Variants in DMD observed in about 807,000 individuals in gnomAD.
The protein encoded by DMD is dystrophin.
DMD carries 63 observed loss-of-function variants against 330.1 expected under a neutral mutation model. The observed-to-expected ratio is 0.19, with a 90% CI of 0.16 to 0.24. The LOEUF is 0.24. Among genes scored for constraint, DMD ranks in the 10% least tolerant of loss-of-function variants. DMD has a pLI of 1.00. For missense variants in DMD, 3,344 were observed against 2,684.1 expected (o/e 1.25, Z -5.43); for synonymous variants, 1,223 against 959.8 (o/e 1.27, Z -5.07).
chrX:31,584,581 G>A lies in DMD; in HGVS notation c.8217+43092C>T, dbSNP rs761325030. 2.7e-3 allele frequency among the ~76,000 whole-genome samples: 300 copies of A among 111,923 alleles called. 2 individuals carry two copies. Among genetic ancestry groups the A allele is most frequent in the Admixed American group, 5.7e-3 (60 of 10,544 alleles). ...TCAACCCAAATGCCCATCAGTGATAGACTGGATAAAGAAAATGTGGTACAT... is the reference window on the plus strand; with the variant it reads ...TCAACCCAAATGCCCATCAGTGATAAACTGGATAAAGAAAATGTGGTACAT... On this transcript the variant is annotated intron_variant, in intron 55 of 78. Transcript: ENST00000357033.
At chrX:32,081,380 C>CTGTT (rs2096390237) in intron 44 of DMD, among the ~76,000 whole-genome samples, 1 of 111,648 alleles carries the variant, frequency 9.0e-6, no homozygotes. Context: ...GCCTATAAAA[C>CTGTT]TGTTTGGGTT....
At chrX:32,498,584 A>T (rs962658191) in intron 19 of DMD, among the ~76,000 whole-genome samples, 3 of 111,524 alleles carry the variant, frequency 2.7e-5, no homozygotes, top group African/African-American at 9.7e-5. Context: ...TTTGGTTAAA[A>T]ATTCCAAATA....
At chrX:32,551,898 T>C (rs2049601004) in intron 16 of DMD, among the ~76,000 whole-genome samples, 1 of 111,536 alleles carries the variant, frequency 9.0e-6, no homozygotes, top group African/African-American at 3.3e-5. Context: ...AGAAATAAGA[T>C]ACCTAGGAAT....
intron 11 of DMD, among the ~76,000 whole-genome samples, chrX:32,642,119 A>G (rs187529512): frequency 1.2e-3 from 131 of 112,190 alleles, no homozygotes; most frequent in African/African-American, 4.1e-3. Context: ...TTATCACATT[A>G]GAATTTAATA....
chrX:32,239,356 G>A (rs1487139432), intron 43 of DMD, among the ~76,000 whole-genome samples: 2 of 111,428 alleles, frequency 1.8e-5, no homozygotes, highest in Non-Finnish European at 1.9e-5. Context: ...ATTTTTAATA[G>A]ACTTGATTTT....
intron 47 of DMD, among the ~76,000 whole-genome samples, chrX:31,901,610 C>T (rs981911911): frequency 3.6e-5 from 4 of 111,839 alleles, no homozygotes; most frequent in African/African-American, 1.3e-4. Flanking sequence ...GTTACTCTCT[C>T]TTCCGCTTCA....
At chrX:31,290,202 T>A (rs896528893) in intron 62 of DMD, among the ~76,000 whole-genome samples, 13 of 110,646 alleles carry the variant, frequency 1.2e-4, no homozygotes, top group Non-Finnish European at 2.5e-4. Flanking sequence ...ACTACAGGCA[T>A]GAGCCACCAT....
At chrX:32,814,930 C>T (rs6631648) in intron 6 of DMD, among the ~76,000 whole-genome samples, 1,859 of 111,230 alleles carry the variant, frequency 0.017, 44 homozygotes, top group East Asian at 0.11. Flanking sequence ...TCAATATTTT[C>T]GGGCCCTTAG....
intron 59 of DMD, among the ~76,000 whole-genome samples, chrX:31,472,966 C>T (rs2067413770): frequency 8.9e-6 from 1 of 111,943 alleles, no homozygotes; most frequent in Admixed American, 9.5e-5. Flanking sequence ...GAGTTATTTA[C>T]AGTGTATGAA....
chrX:32,659,974 C>T (rs2060839954), intron 9 of DMD, among the ~76,000 whole-genome samples: 1 of 110,579 alleles, frequency 9.0e-6, no homozygotes, highest in Admixed American at 9.7e-5. Context: ...CCACCCTCTG[C>T]CTCAAGGAAA....
chrX:33,208,851 T>G (rs1468865389), intron 1 of DMD, among the ~76,000 whole-genome samples: 1 of 111,261 alleles, frequency 9.0e-6, no homozygotes, highest in East Asian at 2.8e-4. Context: ...GAAATGACTT[T>G]GTTTTACTCT....
At chrX:32,434,529 C>T (rs1048843866) in intron 29 of DMD, among the ~76,000 whole-genome samples, 6 of 112,362 alleles carry the variant, frequency 5.3e-5, no homozygotes, top group South Asian at 3.6e-4. Flanking sequence ...GATTATAACA[C>T]ATTAATGTAC....
chrX:33,089,652 A>C (rs2148299670), intron 1 of DMD, among the ~76,000 whole-genome samples: 1 of 112,054 alleles, frequency 8.9e-6, no homozygotes, highest in East Asian at 2.8e-4. Context: ...AAAAGAACCT[A>C]AAGTACACAG....
intron 2 of DMD, among the ~76,000 whole-genome samples, chrX:33,013,820 T>C (rs1427985504): frequency 2.4e-5 from 1 of 40,822 alleles, no homozygotes; most frequent in African/African-American, 7.2e-5. Flanking sequence ...TGTATATGTA[T>C]GTGTGTGTGT....
At chrX:31,263,159 A>T (rs1195761030) in intron 62 of DMD, among the ~76,000 whole-genome samples, 1 of 112,799 alleles carries the variant, frequency 8.9e-6, no homozygotes, top group African/African-American at 3.2e-5. Flanking sequence ...GGTCTGCAGA[A>T]AAACATTTAG....
intron 6 of DMD, among the ~76,000 whole-genome samples, chrX:32,809,934 AAAAAAAAAAAAAGAAAGAAAG>A (rs1445633524): frequency 5.2e-5 from 5 of 95,359 alleles, no homozygotes; most frequent in East Asian, 7.6e-4. Context: ...AAAAAAAAAA[AAAAAAAAAAAAAGAAAGAAAG>A]AAAGAAAGAA....
intron 55 of DMD, among the ~76,000 whole-genome samples, chrX:31,625,066 C>G (rs1157260839): frequency 8.9e-6 from 1 of 111,790 alleles, no homozygotes; most frequent in Non-Finnish European, 1.9e-5. Flanking sequence ...ATGACATCTC[C>G]GAGTCTTTCA....
intron 18 of DMD, among the ~76,000 whole-genome samples, chrX:32,506,235 T>C (rs565712115): frequency 1.8e-5 from 2 of 110,579 alleles, no homozygotes; most frequent in South Asian, 4.0e-4. Flanking sequence ...ACCACTCTAG[T>C]GGGAAATGTT....
intron 12 of DMD, among the ~76,000 whole-genome samples, chrX:32,599,992 T>C (rs1270538210): frequency 8.9e-6 from 1 of 112,495 alleles, no homozygotes; most frequent in Non-Finnish European, 1.9e-5. Context: ...GTTTTTGTTA[T>C]ACCTCTGTGA....
Sources: gnomAD v4.1 joint callset for allele counts (sites outside exome capture counted in the v4.1 genomes callset) on GRCh38, gnomAD v4.1.1 for gene constraint, MANE v1.5 for transcripts, NCBI Gene and HGNC (gene_info 2026-07-23, HGNC 2026-07-21) for gene names.